RFC3: variants seen among roughly 807,000 people sequenced by gnomAD.
RFC3 encodes the protein A1 38 kDa subunit.
A neutral mutation model predicts 45.1 loss-of-function variants in RFC3; 41 were observed. The ratio of observed to expected loss-of-function variants is 0.91; its 90% CI spans 0.71 to 1.18. The LOEUF (loss-of-function observed/expected upper bound fraction) is 1.18. Ranked by LOEUF, RFC3 falls within the 50% of genes most tolerant of loss-of-function variation. The probability of loss-of-function intolerance (pLI) is 0.00; values close to 1 mark genes in which losing one functional copy is unlikely to be tolerated. For missense variants in RFC3, 423 were observed against 428.1 expected (o/e 0.99, Z 0.10); for synonymous variants, 149 against 144.0 (o/e 1.03, Z -0.25).
At chr13:33,972,928 GA>G in the RFC3 span, among the ~76,000 whole-genome samples, 16 of 152,176 alleles carry the variant, frequency 1.1e-4, no homozygotes, top group African/African-American at 3.6e-4. Flanking sequence ...CTACCTTGCA[GA>G]AGGGCATAAG....
intron 8 of RFC3, among the ~76,000 whole-genome samples, chr13:33,956,228 G>A (rs1243414425): frequency 6.6e-6 from 1 of 152,130 alleles, no homozygotes; most frequent in South Asian, 2.1e-4. Flanking sequence ...TTGCACTGAG[G>A]TTAATTAAAA....
At chr13:33,844,527 T>C (rs2082223714) in intron 8 of RFC3, among the ~76,000 whole-genome samples, 1 of 152,206 alleles carries the variant, frequency 6.6e-6, no homozygotes, top group Non-Finnish European at 1.5e-5. Context: ...ATATCTTGCT[T>C]TTTCTTGTTT....
chr13:33,936,284 C>T (rs1231330774), intron 8 of RFC3, among the ~76,000 whole-genome samples: 6 of 151,968 alleles, frequency 3.9e-5, no homozygotes, highest in Non-Finnish European at 8.8e-5. Flanking sequence ...GAGACAAGAC[C>T]GTTAACCCCT....
intron 8 of RFC3, among the ~76,000 whole-genome samples, chr13:33,943,221 G>T (rs1200681052): frequency 6.6e-6 from 1 of 152,078 alleles, no homozygotes; most frequent in Non-Finnish European, 1.5e-5. Flanking sequence ...AATAGACCTA[G>T]GGTCTCTATT....
At chr13:33,936,092 G>A (rs1039051093) in intron 8 of RFC3, among the ~76,000 whole-genome samples, 1 of 152,166 alleles carries the variant, frequency 6.6e-6, no homozygotes, top group Non-Finnish European at 1.5e-5. Context: ...TGGGGTGACT[G>A]CAGGTGAAGG....
At chr13:33,899,851 A>G (rs1469269012) in intron 8 of RFC3, among the ~76,000 whole-genome samples, 3 of 151,982 alleles carry the variant, frequency 2.0e-5, no homozygotes, top group South Asian at 2.1e-4. Context: ...CAAAACCAAC[A>G]TACATAAATT....
chr13:33,923,916 T>A (rs2082785334), intron 8 of RFC3, among the ~76,000 whole-genome samples: 1 of 152,126 alleles, frequency 6.6e-6, no homozygotes, highest in Non-Finnish European at 1.5e-5. Context: ...GTGGGACTCC[T>A]TGGTTTTCCT....
chr13:33,844,078 G>A (rs530468475), intron 8 of RFC3, among the ~76,000 whole-genome samples: 6 of 152,188 alleles, frequency 3.9e-5, no homozygotes, highest in Non-Finnish European at 8.8e-5. Flanking sequence ...TCTTTGTTGA[G>A]TAATTGTGAA....
At chr13:33,948,089 C>A (rs2082965293) in intron 8 of RFC3, among the ~76,000 whole-genome samples, 1 of 152,164 alleles carries the variant, frequency 6.6e-6, no homozygotes, top group Non-Finnish European at 1.5e-5. Context: ...TGTTAGAGAC[C>A]TTCATGGCAG....
At chr13:33,849,892 A>G (rs1345732223) in intron 8 of RFC3, 1 of 152,002 alleles carries the variant, frequency 6.6e-6, no homozygotes, top group African/African-American at 2.4e-5. Flanking sequence ...AAAACAAACC[A>G]ACAAACAAAA....
At chr13:33,856,975 AGAT>A (rs2082312216) in intron 8 of RFC3, among the ~76,000 whole-genome samples, 1 of 152,170 alleles carries the variant, frequency 6.6e-6, no homozygotes, top group African/African-American at 2.4e-5. Flanking sequence ...CCTGCAGAAA[AGAT>A]GATATGAAGG....
At chr13:33,844,387 T>C (rs1157649615) in intron 8 of RFC3, among the ~76,000 whole-genome samples, 4 of 152,232 alleles carry the variant, frequency 2.6e-5, no homozygotes, top group African/African-American at 9.6e-5. Flanking sequence ...TTCCAGTTTC[T>C]GCTGTTCTTC....
chr13:33,922,150 C>CTTT (rs11317609), intron 8 of RFC3, among the ~76,000 whole-genome samples: 3 of 126,544 alleles, frequency 2.4e-5, no homozygotes, highest in Admixed American at 7.9e-5. Flanking sequence ...AGCTTCATTG[C>CTTT]TTTTTTTTTT....
chr13:33,864,098 TA>T (rs1374910120), intron 8 of RFC3, among the ~76,000 whole-genome samples: 2 of 151,754 alleles, frequency 1.3e-5, no homozygotes, highest in Non-Finnish European at 2.9e-5. Flanking sequence ...GGACCTGGAG[TA>T]TCACATTGTG....
chr13:33,975,374 A>T, the RFC3 span, among the ~76,000 whole-genome samples: 5 of 152,236 alleles, frequency 3.3e-5, no homozygotes, highest in Non-Finnish European at 7.3e-5. Context: ...TGGTTGCTAG[A>T]AGTTCCATAG....
the RFC3 span, among the ~76,000 whole-genome samples, chr13:33,974,035 T>C: frequency 1.3e-5 from 2 of 152,132 alleles, no homozygotes; most frequent in Non-Finnish European, 2.9e-5. Context: ...AGGGCCGAGA[T>C]ACAGGACTGG....
rs7982461 is a variant in RFC3 at position 33,895,353 on chromosome 13, G to T, written c.879+60136G>T. Among the ~76,000 whole-genome samples, 1,086 of 152,234 alleles carry T rather than the reference G, an allele frequency of 7.1e-3. 6 individuals carry two copies. Among genetic ancestry groups the T allele is most frequent in the African/African-American group, 0.025 (1,044 of 41,564 alleles). On this transcript the variant is annotated intron_variant, in intron 8 of 8. Coordinates refer to the RFC3 transcript ENST00000434425. ...AGTACATGATAGACATTTCTCAAAA[G>T]AAGATGTACAAATGGCCAAAAAACA... is the stretch of plus-strand genomic sequence containing the variant.
intron 8 of RFC3, among the ~76,000 whole-genome samples, chr13:33,880,013 T>C (rs898067711): frequency 2.0e-5 from 3 of 152,210 alleles, no homozygotes; most frequent in African/African-American, 7.2e-5. Context: ...TAAGGAACCT[T>C]GTGATTATAT....
chr13:33,899,929 A>G (rs2082628922), intron 8 of RFC3, among the ~76,000 whole-genome samples: 1 of 152,016 alleles, frequency 6.6e-6, no homozygotes, highest in Admixed American at 6.6e-5. Context: ...CCCATTTACA[A>G]TAGCTACAAA....
Sources: allele counts gnomAD v4.1 joint callset (sites outside exome capture counted in the v4.1 genomes callset), GRCh38; gene constraint gnomAD v4.1.1; transcripts MANE v1.5; gene names NCBI Gene and HGNC (gene_info 2026-07-23, HGNC 2026-07-21).